NAA60: variants seen among roughly 807,000 people sequenced by gnomAD.
The protein encoded by NAA60 is N-alpha-acetyltransferase 60.
NAA60 carries 8 observed loss-of-function variants against 26.1 expected under a neutral mutation model. The ratio of observed to expected loss-of-function variants is 0.31; its 90% CI spans 0.18 to 0.55. NAA60 has a LOEUF of 0.55. Among genes scored for constraint, NAA60 ranks in the 20% least tolerant of loss-of-function variants. NAA60 has a pLI of 0.93. For synonymous variants in NAA60, 131 were observed against 122.5 expected, an observed-to-expected ratio of 1.07 and a Z score of -0.46; for missense variants, 290 against 311.3, an observed-to-expected ratio of 0.93 and a Z score of 0.51.
At chr16:3,463,619 A>G (rs2035556188) in intron 2 of NAA60, among the ~76,000 whole-genome samples, 2 of 150,770 alleles carry the variant, frequency 1.3e-5, no homozygotes, top group African/African-American at 4.9e-5. Context: ...AATCCCAGCT[A>G]CTTGGGAGGC....
At chr16:3,457,944 G>A in intron 2 of NAA60, 2 of 978,662 alleles carry the variant, frequency 2.0e-6, no homozygotes, top group Non-Finnish European at 2.4e-6. Context: ...CATGGCGGCA[G>A]CGCCGGCCTC....
At chr16:3,464,473 A>G (rs1398826442) in intron 2 of NAA60, among the ~76,000 whole-genome samples, 2 of 151,992 alleles carry the variant, frequency 1.3e-5, no homozygotes, top group Non-Finnish European at 2.9e-5. Flanking sequence ...CTGAAACCCG[A>G]CCCTCTCTTG....
At chr16:3,478,952 C>T (rs1339708545) in intron 3 of NAA60, among the ~76,000 whole-genome samples, 7 of 152,040 alleles carry the variant, frequency 4.6e-5, no homozygotes, top group Admixed American at 2.0e-4. Context: ...TTATTTTTCC[C>T]GGGCCAGGCG....
In NAA60 at chr16:3,476,062, T is replaced by A. The variant is rs943405260; in HGVS notation, c.-6-160T>A. On this transcript the variant is annotated intron_variant, in intron 2 of 7. Transcript: ENST00000407558. ...GCGATGGGGGCGACTGCAGCGCCTC[T>A]TGGGAGGGCGATCGTGAGAGGCAGA... is the stretch of plus-strand genomic sequence containing the variant. 3 of 595,486 alleles carry A rather than the reference T, an allele frequency of 5.0e-6. No homozygotes were observed. The South Asian group carries it at 6.1e-5, about 12-fold the overall frequency. 36.9% of individuals were successfully genotyped at this position (595,486 alleles called of 1,614,324 possible). A position where few individuals can be genotyped will look rare whatever the true frequency, so the allele number is the denominator to read the frequency against.
chr16:3,462,183 T>G (rs2035454469), intron 2 of NAA60, among the ~76,000 whole-genome samples: 1 of 152,120 alleles, frequency 6.6e-6, no homozygotes, highest in South Asian at 2.1e-4. Flanking sequence ...GTTTACTGTA[T>G]TCCTGAAATA....
rs547959971 is a variant in NAA60, at chr16:3,447,576, C to T, written c.-76-895C>T. On this transcript the variant is annotated intron_variant, in intron 1 of 7. Coordinates refer to ENST00000407558, the MANE Select transcript of NAA60 (RefSeq NM_001083601.3). ...TCCTTCATGGGAAGTTGATACTGAT[C>T]GGAAACTGACACAGAGCCTTCTCAC... 1.2e-5 allele frequency: 12 copies of T among 985,322 alleles called. No individual in the cohort carries two copies. The South Asian group carries it at 2.8e-4, about 23-fold the overall frequency. The allele number at this position is 985,322 out of a possible 1,614,324, so 61.0% of individuals were successfully genotyped here.
chr16:3,458,232 G>C, intron 2 of NAA60: 1 of 964,552 alleles, frequency 1.0e-6, no homozygotes, highest in Non-Finnish European at 1.2e-6. Flanking sequence ...GCGGGGCGCC[G>C]AGGGGGCGGG....
At chr16:3,482,983 C>G (rs2036942186) in intron 5 of NAA60, 1 of 468,834 alleles carries the variant, frequency 2.1e-6, no homozygotes, top group African/African-American at 2.0e-5. Flanking sequence ...CACCGTTTCT[C>G]CGATGTCCCA....
At chr16:3,465,955 A>T (rs1567378316) in intron 2 of NAA60, among the ~76,000 whole-genome samples, 1 of 152,208 alleles carries the variant, frequency 6.6e-6, no homozygotes, top group African/African-American at 2.4e-5. Context: ...AGAACGTTCA[A>T]CCCAGGGAAG....
chr16:3,444,819 A>G (rs1185713725), intron 1 of NAA60, among the ~76,000 whole-genome samples: 1 of 152,176 alleles, frequency 6.6e-6, no homozygotes, highest in Non-Finnish European at 1.5e-5. Flanking sequence ...TGTGTCATGT[A>G]CCCATCCTAA....
rs890454487 is a variant in NAA60, at chr16:3,446,371, A to G, written c.-76-2100A>G. On this transcript the variant is annotated intron_variant, in intron 1 of 7. Transcript: ENST00000407558. Reference sequence around the variant, plus strand: ...ACGATGAAACCCCATCTATACTAAAAATACAAAAAATTAGCCAGGCGTGGT... The same window carrying G: ...ACGATGAAACCCCATCTATACTAAAGATACAAAAAATTAGCCAGGCGTGGT... Among the ~76,000 whole-genome samples the G allele has an allele frequency of 9.2e-5, 14 of 151,984 alleles. No homozygotes were observed. In the East Asian group the frequency reaches 2.8e-3, roughly 30 times the overall value.
At chr16:3,446,094 C>G (rs902663557) in intron 1 of NAA60, among the ~76,000 whole-genome samples, 14 of 152,196 alleles carry the variant, frequency 9.2e-5, no homozygotes, top group African/African-American at 3.1e-4. Context: ...CCATTTCTGT[C>G]TTTAACATGG....
intron 2 of NAA60, among the ~76,000 whole-genome samples, chr16:3,465,295 A>T (rs1228179697): frequency 6.6e-6 from 1 of 151,524 alleles, no homozygotes; most frequent in Non-Finnish European, 1.5e-5. Flanking sequence ...AAAAGAAAAA[A>T]GGAAACTCAT....
intron 3 of NAA60, among the ~76,000 whole-genome samples, chr16:3,477,410 C>T (rs538052775): frequency 6.6e-6 from 1 of 152,350 alleles, no homozygotes; most frequent in African/African-American, 2.4e-5. Context: ...ACCTCATGCT[C>T]TTGGCAGGGC....
chr16:3,461,917 A>G (rs1425446972), intron 2 of NAA60, among the ~76,000 whole-genome samples: 1 of 151,908 alleles, frequency 6.6e-6, no homozygotes, highest in Admixed American at 6.6e-5. Flanking sequence ...GCAAAACTCC[A>G]TCTCTAAAAA....
intron 2 of NAA60, 81 bp downstream of exon 2, chr16:3,448,621 G>C (rs2034649028): frequency 8.6e-7 from 1 of 1,164,680 alleles, no homozygotes; most frequent in Non-Finnish European, 1.2e-6. Context: ...ATCCATTTTT[G>C]ACCTGTCAAG....
At chr16:3,452,616 C>T (rs1045411873) in intron 2 of NAA60, among the ~76,000 whole-genome samples, 20 of 149,872 alleles carry the variant, frequency 1.3e-4, no homozygotes, top group Non-Finnish European at 7.4e-5. Flanking sequence ...AAGATTGTGT[C>T]ACACTCCAGC....
chr16:3,476,062 T>C (rs943405260), intron 2 of NAA60, 160 bp from the exon 3 acceptor site: 1 of 595,486 alleles, frequency 1.7e-6, no homozygotes, highest in African/African-American at 1.9e-5. Flanking sequence ...GCAGCGCCTC[T>C]TGGGAGGGCG....
At chr16:3,484,562 G>A in intron 6 of NAA60, 137 bp from the exon 7 acceptor site, 1 of 1,153,894 alleles carries the variant, frequency 8.7e-7, no homozygotes, top group South Asian at 1.5e-5. Context: ...CTCTGCAGAG[G>A]CTTAGCGGGC....
Sources: gnomAD v4.1 joint callset for allele counts (sites outside exome capture counted in the v4.1 genomes callset) on GRCh38, gnomAD v4.1.1 for gene constraint, MANE v1.5 for transcripts, NCBI Gene and HGNC (gene_info 2026-07-23, HGNC 2026-07-21) for gene names.